Variants in TMEM74 observed in about 807,000 individuals in gnomAD.
TMEM74 encodes the protein transmembrane protein 74.
In TMEM74, 13 loss-of-function variants were observed where a neutral mutation model predicts 18.1. That is an observed-to-expected ratio of 0.72 (90% CI 0.47 to 1.14). The LOEUF (loss-of-function observed/expected upper bound fraction) is 1.14. TMEM74 is among the 50% of genes most tolerant of loss of function. The pLI is 0.00. For missense variants in TMEM74, 372 were observed against 375.9 expected (o/e 0.99, Z 0.09); for synonymous variants, 159 against 146.6 (o/e 1.08, Z -0.61).
chr8:108,764,818 T>C (rs1479139266), intron 1 of TMEM74, among the ~76,000 whole-genome samples: 1 of 152,148 alleles, frequency 6.6e-6, no homozygotes, highest in Admixed American at 6.6e-5. Context: ...TTGTATCTGG[T>C]CTTTAAAAAC....
chr8:108,629,275 G>A (rs958363122), intron 2 of TMEM74, among the ~76,000 whole-genome samples: 2 of 151,950 alleles, frequency 1.3e-5, no homozygotes, highest in African/African-American at 4.8e-5. Flanking sequence ...GTCAAGACAA[G>A]ATTAGAGAAA....
intron 2 of TMEM74, among the ~76,000 whole-genome samples, chr8:108,616,803 T>C (rs1812388372): frequency 6.6e-6 from 1 of 152,122 alleles, no homozygotes; most frequent in Non-Finnish European, 1.5e-5. Context: ...CTCTATGATG[T>C]AGCACTATTG....
At chr8:108,639,051 T>C (rs1286521600) in intron 2 of TMEM74, among the ~76,000 whole-genome samples, 1 of 152,096 alleles carries the variant, frequency 6.6e-6, no homozygotes, top group Non-Finnish European at 1.5e-5. Context: ...GGAGCCAAGA[T>C]ATCCCAAGCA....
intron 2 of TMEM74, among the ~76,000 whole-genome samples, chr8:108,615,836 T>TTTTTTTTG: frequency 6.9e-6 from 1 of 145,894 alleles, no homozygotes; most frequent in East Asian, 2.0e-4. Flanking sequence ...TTTTTTTTTT[T>TTTTTTTTG]TTTTTTGGCG....
intron 2 of TMEM74, among the ~76,000 whole-genome samples, chr8:108,628,640 A>G (rs991104342): frequency 6.6e-6 from 1 of 152,092 alleles, no homozygotes; most frequent in African/African-American, 2.4e-5. Context: ...TCCTTTGGGT[A>G]TATACCCAGA....
chr8:108,615,818 G>GGTTTTTTT (rs1563732679), intron 2 of TMEM74, among the ~76,000 whole-genome samples: 1 of 96,376 alleles, frequency 1.0e-5, no homozygotes, highest in East Asian at 3.6e-4. Context: ...TTGCATGGGA[G>GGTTTTTTT]CTTTTTTTTT....
At chr8:108,760,200 G>A (rs982956569) in intron 1 of TMEM74, among the ~76,000 whole-genome samples, 3 of 151,738 alleles carry the variant, frequency 2.0e-5, no homozygotes, top group African/African-American at 7.3e-5. Flanking sequence ...GAGAGAGAGA[G>A]AGAGACTTCC....
At chr8:108,616,417 C>A (rs1390452565) in intron 2 of TMEM74, among the ~76,000 whole-genome samples, 1 of 152,134 alleles carries the variant, frequency 6.6e-6, no homozygotes, top group Non-Finnish European at 1.5e-5. Flanking sequence ...CCCAGTTGAA[C>A]ATTTAACTGA....
intron 1 of TMEM74, among the ~76,000 whole-genome samples, chr8:108,662,303 C>T (rs1228451524): frequency 6.6e-6 from 1 of 151,620 alleles, no homozygotes; most frequent in Non-Finnish European, 1.5e-5. Context: ...GGTAGGGACA[C>T]CTAGAGAGAA....
chr8:108,735,472 T>C (rs535468550), intron 1 of TMEM74, among the ~76,000 whole-genome samples: 15 of 152,236 alleles, frequency 9.9e-5, no homozygotes, highest in South Asian at 2.1e-4. Flanking sequence ...ATACAGTTTT[T>C]GTGACTTGCT....
At chr8:108,641,645 C>A (rs1812666333) in intron 2 of TMEM74, among the ~76,000 whole-genome samples, 1 of 152,142 alleles carries the variant, frequency 6.6e-6, no homozygotes, top group African/African-American at 2.4e-5. Flanking sequence ...ACCCCAAGAC[C>A]TTTGGACTAC....
At chr8:108,673,969 T>A (rs541382301) in intron 1 of TMEM74, among the ~76,000 whole-genome samples, 2 of 152,298 alleles carry the variant, frequency 1.3e-5, no homozygotes, top group East Asian at 3.9e-4. Context: ...AAAAATTTCC[T>A]ATTATTTTTA....
intron 1 of TMEM74, among the ~76,000 whole-genome samples, chr8:108,670,896 A>G (rs569536403): frequency 6.6e-6 from 1 of 152,326 alleles, no homozygotes; most frequent in East Asian, 1.9e-4. Flanking sequence ...AAATCCCCAT[A>G]AGAGCGAATC....
chr8:108,722,981 T>C (rs1163496871), intron 1 of TMEM74, among the ~76,000 whole-genome samples: 1 of 152,174 alleles, frequency 6.6e-6, no homozygotes, highest in Non-Finnish European at 1.5e-5. Context: ...GTGTTAGGAC[T>C]GACCTACCTC....
chr8:108,784,691 AG>A lies in TMEM74; in HGVS notation c.407del (p.Pro136LeufsTer20). 2 of 1,614,182 alleles carry A rather than the reference AG, an allele frequency of 1.2e-6. No homozygotes were observed. The highest frequency in any genetic ancestry group is 1.7e-6 in the Non-Finnish European group (2 of 1,180,028). On this transcript the variant is annotated frameshift_variant, in exon 2 of 2. Transcript: ENST00000297459. LOFTEE classifies it high-confidence loss of function. Reference protein sequence around the residue: ...SSPSAKGHNHPGELGWENPNE... With the variant: ...SSPSAKGHNHXGELGWENPNE... ...TTGGATTTTCCCAGCCAAGCTCCCCAGGGTGATTATGCCCTTTTGCTGATGG... is the reference window on the plus strand; with the variant it reads ...TTGGATTTTCCCAGCCAAGCTCCCCAGGTGATTATGCCCTTTTGCTGATGG...
Position 108,720,199 on chromosome 8 carries a change from G to A in TMEM74, n.120-64762C>T, listed in dbSNP as rs188780872. Among the ~76,000 whole-genome samples the A allele has an allele frequency of 3.3e-3, 485 of 148,576 alleles. 2 individuals carry two copies. Among genetic ancestry groups the A allele is most frequent in the African/African-American group, 0.012 (464 of 40,338 alleles). ...TCCCCAAATTTTGTAAAAAAAAAAA[G>A]TATTTATAGATATCCAAATTTATTT... On this transcript the variant is annotated intron_variant and non_coding_transcript_variant, in intron 1 of 3. Transcript: ENST00000518838.
intron 1 of TMEM74, among the ~76,000 whole-genome samples, chr8:108,786,780 A>G (rs997105480): frequency 1.1e-4 from 17 of 152,204 alleles, no homozygotes; most frequent in Admixed American, 9.2e-4. Flanking sequence ...CTTTGGTACC[A>G]TTAACTCATC....
intron 1 of TMEM74, among the ~76,000 whole-genome samples, chr8:108,787,261 A>C (rs1332409480): frequency 6.6e-6 from 1 of 152,132 alleles, no homozygotes; most frequent in Non-Finnish European, 1.5e-5. Context: ...AGCCCCAAGC[A>C]CCTGGCAGCG....
At chr8:108,661,027 G>C (rs1812894920) in intron 1 of TMEM74, among the ~76,000 whole-genome samples, 1 of 152,054 alleles carries the variant, frequency 6.6e-6, no homozygotes, top group African/African-American at 2.4e-5. Flanking sequence ...AGATTGACTA[G>C]GATGATACTT....
Sources: allele counts gnomAD v4.1 joint callset (sites outside exome capture counted in the v4.1 genomes callset), GRCh38; gene constraint gnomAD v4.1.1; transcripts MANE v1.5; gene names NCBI Gene and HGNC (gene_info 2026-07-23, HGNC 2026-07-21).